Variants in MCAM observed in about 807,000 individuals in gnomAD.
The protein encoded by MCAM is melanoma cell adhesion molecule.
A neutral mutation model predicts 79.1 loss-of-function variants in MCAM; 55 were observed. That is an observed-to-expected ratio of 0.70 (90% CI 0.56 to 0.87). The LOEUF (loss-of-function observed/expected upper bound fraction) is 0.87, where lower values mean the gene tolerates loss of function less well. MCAM is among the 40% of genes least tolerant of loss of function. MCAM has a pLI of 0.00. For synonymous variants in MCAM, 330 were observed against 339.8 expected (o/e 0.97, Z 0.32); for missense variants, 745 against 839.8 (o/e 0.89, Z 1.40).
At position 119,315,092 on chromosome 11, in the gene MCAM, C is replaced by T; in HGVS notation, c.192+47G>A. The T allele has an allele frequency of 1.2e-6, 2 of 1,611,768 alleles. No homozygotes were observed. The highest frequency in any genetic ancestry group is 1.7e-6 in the Non-Finnish European group (2 of 1,179,758). On this transcript the variant is annotated intron_variant, in intron 2 of 15. Coordinates refer to ENST00000264036, the MANE Select transcript of MCAM (RefSeq NM_006500.3). The surrounding 1 kb of genome is among the most constrained non-coding windows in gnomAD (Gnocchi z 4.4). ...GAAGGGTCCTGGGCTACAAGAGGGG[C>T]AGAGTCTCCCTCCCCGGGCTGCTCT...
In MCAM at chr11:119,315,678, G is replaced by A. The variant is rs1950302719; in HGVS notation, c.68-415C>T. ...TTTTGTGTCACCACCGCCAGGGGAA[G>A]ACACCACTGCTCTATCCTCTGCCCT... On this transcript the variant is annotated intron_variant, in intron 1 of 15. Coordinates refer to ENST00000264036, the MANE Select transcript of MCAM (RefSeq NM_006500.3). The surrounding 1 kb of genome is among the most constrained non-coding windows in gnomAD (Gnocchi z 4.4). The A allele has an allele frequency of 4.4e-6, 1 of 227,134 alleles. No individual in the cohort carries two copies. Among genetic ancestry groups the A allele is most frequent in the Non-Finnish European group, 9.0e-6 (1 of 110,992 alleles). 14.1% of individuals were successfully genotyped at this position (227,134 alleles called of 1,614,324 possible).
chr11:119,310,445 C>T lies in MCAM; in HGVS notation c.1815G>A (p.Lys605=). The change falls in exon 15 of 16, where the codon AAG becomes AAA. Residue 605 remains lysine, a synonymous_variant. Coordinates refer to ENST00000264036, the MANE Select transcript of MCAM (RefSeq NM_006500.3). ...KQEITLPPSR[K]SELVVEVKSD... ...ACTTAACTTCAACTACAAGTTCGCT[C>T]TTACGAGACGGGGGTAGCGTGCTGG... is the stretch of plus-strand genomic sequence containing the variant. 1.2e-6 allele frequency: 2 copies of T among 1,613,538 alleles called. No individual in the cohort carries two copies. Among genetic ancestry groups the T allele is most frequent in the Non-Finnish European group, 1.7e-6 (2 of 1,179,520 alleles).
Position 119,312,195 on chromosome 11 carries a change from C to T in MCAM, c.1025-25G>A, listed in dbSNP as rs562744805. The stretch of plus-strand genomic sequence containing the variant: ...TCTGGGGGTACAGCAATCATGTCAC[C>T]CAGGGCAGGGTGGGGCCAGTTCCCT... On this transcript the variant is annotated intron_variant, in intron 8 of 15. Transcript: ENST00000264036. This position sits in a 1 kb window ranked among gnomAD's most constrained non-coding sequence, Gnocchi z 4.9. 6.2e-7 allele frequency: 1 copy of T among 1,610,826 alleles called. No homozygotes were observed. Among genetic ancestry groups the T allele is most frequent in the South Asian group, 1.1e-5 (1 of 90,606 alleles).
rs561601780 is a variant in MCAM, at chr11:119,316,466, A to G, written c.67+569T>C. 3.4e-4 allele frequency: 52 copies of G among 153,306 alleles called. No homozygotes were observed. Among genetic ancestry groups the G allele is most frequent in the Non-Finnish European group, 5.5e-4 (38 of 68,668 alleles). 9.5% of individuals were successfully genotyped at this position (153,306 alleles called of 1,614,324 possible). A position where few individuals can be genotyped will look rare whatever the true frequency, so the allele number is the denominator to read the frequency against. ...CCTCATCTCTGTCCCCTATGATCCC[A>G]TCACTCGGGGAGGCGCGAGGCGACC... On this transcript the variant is annotated intron_variant, in intron 1 of 15. Coordinates refer to ENST00000264036, the MANE Select transcript of MCAM (RefSeq NM_006500.3). This position sits in a 1 kb window ranked among gnomAD's most constrained non-coding sequence, Gnocchi z 4.8.
At position 119,312,144 on chromosome 11, in the gene MCAM, C is replaced by T. The variant is rs755723391; in HGVS notation, c.1051G>A (p.Ala351Thr). The change falls in exon 9 of 16, where the codon GCA (alanine) becomes ACA (threonine). Residue 351 changes from alanine (A) to threonine (T), a missense_variant. Transcript: ENST00000264036. This position sits in a 1 kb window ranked among gnomAD's most constrained non-coding sequence, Gnocchi z 4.9. Reference sequence around the variant, plus strand: ...CTGCCTTCCTGTCTCTCAGGGGCTGCGGGACTCACTCGGACGTCAGACACA... The same window carrying T: ...CTGCCTTCCTGTCTCTCAGGGGCTGTGGGACTCACTCGGACGTCAGACACA... ...NYVSDVRVSP[A>T]APERQEGSSL... 1.1e-5 allele frequency: 17 copies of T among 1,613,080 alleles called. 1 individual carries two copies. Among genetic ancestry groups the T allele is most frequent in the South Asian group, 6.6e-5 (6 of 90,950 alleles).
In MCAM at chr11:119,315,719, T is replaced by G; in HGVS notation, c.68-456A>C. 1 of 179,360 alleles carries G rather than the reference T, an allele frequency of 5.6e-6. No individual in the cohort carries two copies. The allele number at this position is 179,360 out of a possible 1,614,324, so 11.1% of individuals were successfully genotyped here. A position where few individuals can be genotyped will look rare whatever the true frequency, so the allele number is the denominator to read the frequency against. ...CCTCTGCCCTCCAAAATCCCTGCCC[T>G]CACTCCCCAGCGGGCTAACTCTGGC... On this transcript the variant is annotated intron_variant, in intron 1 of 15. Transcript: ENST00000264036. The surrounding 1 kb of genome is among the most constrained non-coding windows in gnomAD (Gnocchi z 4.4).
rs772502312 is a variant in MCAM at position 119,309,928 on chromosome 11, AGAG to A, written c.1912-16_1912-14del. 3.8e-6 allele frequency: 6 copies of A among 1,598,126 alleles called. No homozygotes were observed. Among genetic ancestry groups the A allele is most frequent in the African/African-American group, 1.3e-5 (1 of 74,778 alleles). ...TGTATTTCTCTCCCTAAAAGTGGGT[AGAG>A]GAGAAGAGGGGAACACGGAGACGGT... On this transcript the variant is annotated splice_polypyrimidine_tract_variant and intron_variant, in intron 15 of 15. Coordinates refer to ENST00000264036, the MANE Select transcript of MCAM (RefSeq NM_006500.3).
Position 119,313,336 on chromosome 11 carries a change from T to G in MCAM, c.560-387A>C, listed in dbSNP as rs527597258. 3.1e-6 allele frequency: 4 copies of G among 1,298,558 alleles called. No individual in the cohort carries two copies. The East Asian group carries it at 1.6e-4, about 52-fold the overall frequency. The allele number at this position is 1,298,558 out of a possible 1,614,324, so 80.4% of individuals were successfully genotyped here. A position where few individuals can be genotyped will look rare whatever the true frequency, so the allele number is the denominator to read the frequency against. On this transcript the variant is annotated intron_variant, in intron 5 of 15. Coordinates refer to ENST00000264036, the MANE Select transcript of MCAM (RefSeq NM_006500.3). ...CCCAGAAACATTGTATAAAAGAAAT[T>G]GTCTAACAATGTATACCATACACCA...
At chr11:119,313,613 C>G in intron 5 of MCAM, 1 of 286,532 alleles carries the variant, frequency 3.5e-6, no homozygotes, top group East Asian at 8.8e-5. Flanking sequence ...GTTGGACAGG[C>G]TGGTCTTGAA....
chr11:119,313,927 T>C (rs2135343912), intron 5 of MCAM: 1 of 949,036 alleles, frequency 1.1e-6, no homozygotes. Context: ...CAGAAGCCTA[T>C]ATCATTCTAG....
chr11:119,309,453 C>A lies in MCAM; in HGVS notation c.*433G>T. Reference sequence around the variant, plus strand: ...AGCGCACTTCAACATGAGCAGGCGCCTGGCTCCGGTGTGTCCTCACTTCAG... The same window carrying A: ...AGCGCACTTCAACATGAGCAGGCGCATGGCTCCGGTGTGTCCTCACTTCAG... On this transcript the variant is annotated 3_prime_UTR_variant, in exon 16 of 16. Transcript: ENST00000264036. 5.1e-6 allele frequency: 1 copy of A among 196,910 alleles called. No individual in the cohort carries two copies. The highest frequency in any genetic ancestry group is 1.3e-4 in the East Asian group (1 of 7,814). The allele number at this position is 196,910 out of a possible 1,614,324, so 12.2% of individuals were successfully genotyped here.
In MCAM at chr11:119,309,482, T is replaced by C. The variant is rs1950194079; in HGVS notation, c.*404A>G. The C allele has an allele frequency of 7.9e-6, 2 of 252,648 alleles. No homozygotes were observed. The highest frequency in any genetic ancestry group is 7.7e-6 in the Non-Finnish European group (1 of 129,388). 15.7% of individuals were successfully genotyped at this position (252,648 alleles called of 1,614,324 possible). On this transcript the variant is annotated 3_prime_UTR_variant, in exon 16 of 16. Transcript: ENST00000264036. ...CTCCGGTGTGTCCTCACTTCAGTGG[T>C]GCACCTGGATGGTGGAAGCCAGCCT... is the stretch of plus-strand genomic sequence containing the variant.
intron 5 of MCAM, chr11:119,313,974 G>A (rs1014571873): frequency 1.7e-5 from 16 of 968,340 alleles, no homozygotes; most frequent in Non-Finnish European, 1.7e-5. Context: ...ATAGAAATAG[G>A]CTTGAAAGAA....
chr11:119,309,866 G>A lies in MCAM; in HGVS notation c.*20C>T. The stretch of plus-strand genomic sequence containing the variant: ...GCTGGGAATGGTCCAGGCAGGGAAG[G>A]GAGCTGAAGTGATTCGGGGCTAATG... On this transcript the variant is annotated 3_prime_UTR_variant, in exon 16 of 16. Coordinates refer to ENST00000264036, the MANE Select transcript of MCAM (RefSeq NM_006500.3). The A allele has an allele frequency of 6.3e-7, 1 of 1,595,180 alleles. No homozygotes were observed. Among genetic ancestry groups the A allele is most frequent in the African/African-American group, 1.3e-5 (1 of 74,868 alleles).
rs1280924869 is a variant in MCAM, at chr11:119,316,491, C to T, written c.67+544G>A. Reference sequence around the variant, plus strand: ...ATCACTCGGGGAGGCGCGAGGCGACCCACACCGCCCCGCAACCCCTGCCAA... The same window carrying T: ...ATCACTCGGGGAGGCGCGAGGCGACTCACACCGCCCCGCAACCCCTGCCAA... On this transcript the variant is annotated intron_variant, in intron 1 of 15. Transcript: ENST00000264036. This position sits in a 1 kb window ranked among gnomAD's most constrained non-coding sequence, Gnocchi z 4.8. The T allele has an allele frequency of 6.5e-6, 1 of 154,136 alleles. No individual in the cohort carries two copies. 9.5% of individuals were successfully genotyped at this position (154,136 alleles called of 1,614,324 possible).
At chr11:119,314,811 T>G (rs891821099) in intron 3 of MCAM, 22 bp downstream of exon 3, 3 of 1,613,292 alleles carry the variant, frequency 1.9e-6, no homozygotes, top group Non-Finnish European at 2.5e-6. Context: ...ACTACCCTGC[T>G]GGCAGACACA....
chr11:119,311,066 G>T lies in MCAM; in HGVS notation c.1645+24C>A, dbSNP rs763509937. ...AGAAAGGATGCCCTGGCACAGCCCTGTTCTCTTGCCAGGCCTGGCTTACCT... is the reference window on the plus strand; with the variant it reads ...AGAAAGGATGCCCTGGCACAGCCCTTTTCTCTTGCCAGGCCTGGCTTACCT... On this transcript the variant is annotated intron_variant, in intron 13 of 15. Transcript: ENST00000264036. The surrounding 1 kb of genome is among the most constrained non-coding windows in gnomAD (Gnocchi z 4.4). 6.2e-7 allele frequency: 1 copy of T among 1,614,242 alleles called. No homozygotes were observed. Among genetic ancestry groups the T allele is most frequent in the Non-Finnish European group, 8.5e-7 (1 of 1,180,030 alleles).
chr11:119,310,151 G>C, intron 15 of MCAM, 198 bp downstream of exon 15: 3 of 626,216 alleles, frequency 4.8e-6, no homozygotes, highest in South Asian at 1.9e-5. Flanking sequence ...TGATGGGACA[G>C]GGTCTTTCTC....
Position 119,311,083 on chromosome 11 carries a change from G to T in MCAM, c.1645+7C>A. 6.2e-7 allele frequency: 1 copy of T among 1,614,248 alleles called. No homozygotes were observed. The highest frequency in any genetic ancestry group is 8.5e-7 in the Non-Finnish European group (1 of 1,180,042). ...ACAGCCCTGTTCTCTTGCCAGGCCT[G>T]GCTTACCTGTGGAGGTGCTGTTGGC... On this transcript the variant is annotated splice_region_variant and intron_variant, in intron 13 of 15. Coordinates refer to ENST00000264036, the MANE Select transcript of MCAM (RefSeq NM_006500.3). This position sits in a 1 kb window ranked among gnomAD's most constrained non-coding sequence, Gnocchi z 4.4.
Sources: gnomAD v4.1 joint callset for allele counts on GRCh38, gnomAD v4.1.1 for gene constraint, Gnocchi (gnomAD v3.1) non-coding constraint, MANE v1.5 for transcripts, NCBI Gene and HGNC (gene_info 2026-07-23, HGNC 2026-07-21) for gene names.